The following GPR158 variants were observed in gnomAD, a reference collection of about 807,000 sequenced individuals.
GPR158 encodes metabotropic glycine receptor.
A neutral mutation model predicts 78.2 loss-of-function variants in GPR158; 30 were observed. The observed-to-expected ratio is 0.38, with a 90% CI of 0.29 to 0.52. The LOEUF (loss-of-function observed/expected upper bound fraction) is 0.52. Among genes scored for constraint, GPR158 ranks in the 20% least tolerant of loss-of-function variants. GPR158 has a pLI of 0.83. For missense variants in GPR158, 1,463 were observed against 1,523.5 expected (o/e 0.96, Z 0.66); for synonymous variants, 581 against 591.1 (o/e 0.98, Z 0.25).
intron 2 of GPR158, chr10:25,393,928 T>C (rs1834335542): frequency 6.6e-6 from 1 of 152,222 alleles, no homozygotes; most frequent in Admixed American, 6.5e-5. Context: ...ATGATCTTTA[T>C]GCAAATGATT....
intron 4 of GPR158, among the ~76,000 whole-genome samples, chr10:25,424,501 G>A (rs10828796): frequency 0.69 from 102,157 of 147,518 alleles, 36,278 homozygotes; most frequent in Non-Finnish European, 0.79. Context: ...TTCTTCTAGG[G>A]TTTTTATGGT....
At chr10:25,252,452 C>A (rs1853818909) in intron 2 of GPR158, among the ~76,000 whole-genome samples, 1 of 151,906 alleles carries the variant, frequency 6.6e-6, no homozygotes, top group South Asian at 2.1e-4. Flanking sequence ...GTTTTATCTA[C>A]TTTTGGTCTT....
At chr10:25,442,259 C>T (rs1835078115) in intron 4 of GPR158, among the ~76,000 whole-genome samples, 1 of 151,866 alleles carries the variant, frequency 6.6e-6, no homozygotes, top group South Asian at 2.1e-4. Flanking sequence ...GACATGCTTG[C>T]CTGAAACTAA....
intron 5 of GPR158, among the ~76,000 whole-genome samples, chr10:25,495,332 A>G (rs3005186): frequency 0.72 from 93,028 of 128,936 alleles, 33,867 homozygotes; most frequent in East Asian, 0.99. Flanking sequence ...GAGTCTTGCC[A>G]TGTCCATCAG....
At chr10:25,363,749 G>C (rs375167654) in intron 2 of GPR158, among the ~76,000 whole-genome samples, 2 of 151,828 alleles carry the variant, frequency 1.3e-5, no homozygotes, top group East Asian at 1.9e-4. Flanking sequence ...TGCTGTCCCT[G>C]ATCCTCAGTT....
At chr10:25,342,409 C>T in intron 2 of GPR158, among the ~76,000 whole-genome samples, 1 of 151,814 alleles carries the variant, frequency 6.6e-6, no homozygotes, top group East Asian at 1.9e-4. Flanking sequence ...TTTTCTTATT[C>T]TTTAATAAGC....
At position 25,599,054 on chromosome 10, in the gene GPR158, A is replaced by T; in HGVS notation, c.3428A>T (p.Lys1143Met). The T allele has an allele frequency of 1.9e-6, 3 of 1,614,046 alleles. No homozygotes were observed. In the South Asian group the frequency reaches 3.3e-5, roughly 18 times the overall value. The change falls in exon 11 of 11, where the codon AAG becomes ATG. Residue 1143 changes from lysine to methionine, a missense_variant. Transcript: ENST00000376351. ...NLNQIGHQEK[K>M]TSSSEENVRG... Reference sequence around the variant, plus strand: ...AACCAAATAGGACACCAGGAAAAAAAGACATCTTCTTCTGAGGAGAATGTG... The same window carrying T: ...AACCAAATAGGACACCAGGAAAAAATGACATCTTCTTCTGAGGAGAATGTG...
intron 3 of GPR158, among the ~76,000 whole-genome samples, chr10:25,403,205 A>G (rs370729948): frequency 2.6e-5 from 4 of 152,136 alleles, no homozygotes; most frequent in East Asian, 3.9e-4. Flanking sequence ...TTCTATAAAT[A>G]TAAGACTATA....
intron 4 of GPR158, among the ~76,000 whole-genome samples, chr10:25,417,355 G>A (rs1479450545): frequency 1.3e-5 from 2 of 152,124 alleles, no homozygotes; most frequent in Non-Finnish European, 2.9e-5. Context: ...CTTTTAGAGT[G>A]TCTAGATCAC....
intron 2 of GPR158, among the ~76,000 whole-genome samples, chr10:25,383,505 A>G (rs1439441447): frequency 6.6e-6 from 1 of 152,192 alleles, no homozygotes; most frequent in Non-Finnish European, 1.5e-5. Context: ...CAGGAAATTT[A>G]GGCGGAGAAA....
chr10:25,282,607 G>A (rs761158701), intron 2 of GPR158, among the ~76,000 whole-genome samples: 5 of 152,048 alleles, frequency 3.3e-5, no homozygotes, highest in Non-Finnish European at 7.4e-5. Context: ...TGAGAGTTCC[G>A]TTCGTTTTGC....
chr10:25,361,141 T>C (rs902306500), intron 2 of GPR158, among the ~76,000 whole-genome samples: 1 of 151,924 alleles, frequency 6.6e-6, no homozygotes, highest in African/African-American at 2.4e-5. Flanking sequence ...CTGTTTCCAT[T>C]AATTTATCTA....
rs1417499992 is a variant in GPR158 at position 25,419,843 on chromosome 10, TATTTTC to T, written c.1335+7372_1335+7377del. Among the ~76,000 whole-genome samples, 3 of 152,198 alleles carry T rather than the reference TATTTTC, an allele frequency of 2.0e-5. No homozygotes were observed. In the East Asian group the frequency reaches 5.8e-4, roughly 29 times the overall value. On this transcript the variant is annotated intron_variant, in intron 4 of 10. Coordinates refer to ENST00000376351, the MANE Select transcript of GPR158 (RefSeq NM_020752.3). ...GTCTATTCAAGTCTTTTGCCCATTT[TATTTTC>T]ACAAGTCTATGTTATGGTTCACTCT...
rs532168974 is a variant in GPR158, at chr10:25,317,268, G to A, written c.1009-78643G>A. ...TCACCATGTTGGTCAGGCTGGTCTC[G>A]AACTCCTGACCTCAGGTTATCCACC... On this transcript the variant is annotated intron_variant, in intron 2 of 10. Coordinates refer to ENST00000376351, the MANE Select transcript of GPR158 (RefSeq NM_020752.3). Among the ~76,000 whole-genome samples, 202 of 151,712 alleles carry A rather than the reference G, an allele frequency of 1.3e-3. 1 individual carries two copies. The highest frequency in any genetic ancestry group is 4.6e-3 in the African/African-American group (191 of 41,356).
At chr10:25,421,413 TA>T (rs1276899905) in intron 4 of GPR158, among the ~76,000 whole-genome samples, 1 of 152,180 alleles carries the variant, frequency 6.6e-6, no homozygotes, top group Non-Finnish European at 1.5e-5. Context: ...ACATAATACA[TA>T]AAAGCTGGTC....
rs528273468 is a variant in GPR158, at chr10:25,418,856, A to G, written c.1335+6383A>G. 2.0e-5 allele frequency among the ~76,000 whole-genome samples: 3 copies of G among 150,052 alleles called. No homozygotes were observed. In the South Asian group the frequency reaches 6.5e-4, roughly 32 times the overall value. On this transcript the variant is annotated intron_variant, in intron 4 of 10. Transcript: ENST00000376351. Reference sequence around the variant, plus strand: ...ACTGATTTTTAAAAAACATGGACACACTGTAGTTGGTATTTTCTCCTCTAT... The same window carrying G: ...ACTGATTTTTAAAAAACATGGACACGCTGTAGTTGGTATTTTCTCCTCTAT...
intron 3 of GPR158, among the ~76,000 whole-genome samples, chr10:25,397,865 T>A (rs1021649893): frequency 1.3e-5 from 2 of 152,152 alleles, no homozygotes; most frequent in African/African-American, 4.8e-5. Flanking sequence ...TAGTCACTTT[T>A]GTGATTATAT....
intron 2 of GPR158, among the ~76,000 whole-genome samples, chr10:25,253,926 T>C (rs1207494797): frequency 6.6e-6 from 1 of 152,210 alleles, no homozygotes; most frequent in Non-Finnish European, 1.5e-5. Context: ...GTAGGAACCA[T>C]AGAAAAGGTT....
intron 2 of GPR158, among the ~76,000 whole-genome samples, chr10:25,313,923 A>T (rs1294153789): frequency 6.6e-6 from 1 of 152,110 alleles, no homozygotes; most frequent in Non-Finnish European, 1.5e-5. Context: ...CGGTCTTTAA[A>T]GGTTTGGTGT....
Sources: allele counts gnomAD v4.1 joint callset (sites outside exome capture counted in the v4.1 genomes callset), GRCh38; gene constraint gnomAD v4.1.1; transcripts MANE v1.5; gene names NCBI Gene and HGNC (gene_info 2026-07-23, HGNC 2026-07-21).